The following PRKCE variants were observed in gnomAD, a reference collection of about 807,000 sequenced individuals.
PRKCE encodes the protein protein kinase C epsilon.
PRKCE carries 16 observed loss-of-function variants against 85.4 expected under a neutral mutation model. The ratio of observed to expected loss-of-function variants is 0.19; its 90% CI spans 0.13 to 0.28. The LOEUF is 0.28. Ranked by LOEUF, PRKCE falls within the 10% of genes least tolerant of loss-of-function variation. The pLI, the probability that PRKCE is intolerant of heterozygous loss-of-function variation, is 1.00. For missense variants in PRKCE, 573 were observed against 975.2 expected (o/e 0.59, Z 5.49); for synonymous variants, 388 against 371.5 (o/e 1.04, Z -0.51).
At chr2:45,901,367 G>A (rs1461938083) in intron 2 of PRKCE, among the ~76,000 whole-genome samples, 1 of 152,174 alleles carries the variant, frequency 6.6e-6, no homozygotes, top group Admixed American at 6.5e-5. Flanking sequence ...TTTCATCTAG[G>A]TAAGGTATTA....
At chr2:45,738,897 A>G (rs952330) in intron 1 of PRKCE, among the ~76,000 whole-genome samples, 85,119 of 152,148 alleles carry the variant, frequency 0.56, 24,589 homozygotes, top group African/African-American at 0.7. Context: ...CGTGATCTTC[A>G]CCACACTTCA....
chr2:45,987,034 T>C (rs1703385057), intron 6 of PRKCE, among the ~76,000 whole-genome samples: 2 of 151,980 alleles, frequency 1.3e-5, no homozygotes, highest in Non-Finnish European at 2.9e-5. Context: ...ATGTCTGTTT[T>C]TTTTTTTGTA....
At chr2:46,132,686 A>G (rs2104414987) in intron 11 of PRKCE, among the ~76,000 whole-genome samples, 1 of 152,344 alleles carries the variant, frequency 6.6e-6, no homozygotes, top group Middle Eastern at 3.4e-3. Context: ...TCTTATTGGC[A>G]TATATGCATA....
At chr2:45,791,423 G>A (rs374281059) in intron 1 of PRKCE, among the ~76,000 whole-genome samples, 60 of 152,300 alleles carry the variant, frequency 3.9e-4, no homozygotes, top group African/African-American at 1.2e-3. Context: ...CCCTACACCC[G>A]CTGGGCCTTG....
At chr2:46,171,370 C>T (rs549857797) in intron 14 of PRKCE, among the ~76,000 whole-genome samples, 41 of 152,336 alleles carry the variant, frequency 2.7e-4, no homozygotes, top group African/African-American at 2.9e-4. Flanking sequence ...GAGGGGTACA[C>T]GGCAGAATGC....
intron 10 of PRKCE, among the ~76,000 whole-genome samples, chr2:46,064,231 A>G (rs1667409696): frequency 6.6e-6 from 1 of 150,644 alleles, no homozygotes; most frequent in Non-Finnish European, 1.5e-5. Context: ...GAAGTGAGCC[A>G]AGATCATACC....
intron 2 of PRKCE, among the ~76,000 whole-genome samples, chr2:45,967,318 C>T (rs1456767113): frequency 6.6e-6 from 1 of 152,178 alleles, no homozygotes; most frequent in African/African-American, 2.4e-5. Flanking sequence ...GAACCCATCA[C>T]ATTTTTGGCA....
intron 2 of PRKCE, among the ~76,000 whole-genome samples, chr2:45,872,828 C>T (rs1407666865): frequency 2.0e-5 from 3 of 152,080 alleles, no homozygotes; most frequent in Admixed American, 1.3e-4. Flanking sequence ...GGATAAATGG[C>T]TGTGGTGTTG....
intron 10 of PRKCE, among the ~76,000 whole-genome samples, chr2:46,011,447 A>G (rs546254788): frequency 1.8e-4 from 28 of 152,324 alleles, no homozygotes; most frequent in Non-Finnish European, 3.1e-4. Flanking sequence ...ATTTCATTAT[A>G]TCCTTCCCGT....
At chr2:45,666,676 C>A (rs1161049393) in intron 1 of PRKCE, among the ~76,000 whole-genome samples, 1 of 152,032 alleles carries the variant, frequency 6.6e-6, no homozygotes, top group East Asian at 1.9e-4. Context: ...GTAACATTTA[C>A]TGTTTGTGCC....
At chr2:46,084,718 CAAAAA>C (rs11314680) in intron 10 of PRKCE, among the ~76,000 whole-genome samples, 2 of 92,232 alleles carry the variant, frequency 2.2e-5, no homozygotes, top group East Asian at 3.4e-4. Context: ...GAGACTCCAT[CAAAAA>C]AAAAAAAAAA....
At position 46,004,019 on chromosome 2, in the gene PRKCE, G is replaced by A. The variant is rs1430895816; in HGVS notation, c.967-523G>A. ...CCTACTTGGTGAGATGTGGCTTTCC[G>A]TTCAAAGATCTCTTTGCAGTCTTTG... is the stretch of plus-strand genomic sequence containing the variant. On this transcript the variant is annotated intron_variant, in intron 7 of 14. Coordinates refer to ENST00000306156, the MANE Select transcript of PRKCE (RefSeq NM_005400.3). This position sits in a 1 kb window ranked among gnomAD's most constrained non-coding sequence, Gnocchi z 4.1. 6 of 161,830 alleles carry A rather than the reference G, an allele frequency of 3.7e-5. No homozygotes were observed. The highest frequency in any genetic ancestry group is 3.6e-4 in the South Asian group (2 of 5,566). The allele number at this position is 161,830 out of a possible 1,614,324, so 10.0% of individuals were successfully genotyped here. A position where few individuals can be genotyped will look rare whatever the true frequency, so the allele number is the denominator to read the frequency against.
At chr2:45,656,011 C>G (rs907737115) in intron 1 of PRKCE, among the ~76,000 whole-genome samples, 2 of 152,106 alleles carry the variant, frequency 1.3e-5, no homozygotes, top group Non-Finnish European at 2.9e-5. Context: ...TAAAGGCAGA[C>G]AATCCTGTAG....
Position 45,884,815 on chromosome 2 carries a change from T to G in PRKCE, c.412+41752T>G, listed in dbSNP as rs376044669. 5.9e-5 allele frequency among the ~76,000 whole-genome samples: 9 copies of G among 151,902 alleles called. No individual in the cohort carries two copies. In the South Asian group the frequency reaches 1.9e-3, roughly 32 times the overall value. Reference sequence around the variant, plus strand: ...GATGAAGAGCGAAAGACACCCTTTCTCCAACCAGTTCTATTCCCCAGAGGT... The same window carrying G: ...GATGAAGAGCGAAAGACACCCTTTCGCCAACCAGTTCTATTCCCCAGAGGT... On this transcript the variant is annotated intron_variant, in intron 2 of 14. Coordinates refer to ENST00000306156, the MANE Select transcript of PRKCE (RefSeq NM_005400.3).
At position 45,951,168 on chromosome 2, in the gene PRKCE, A is replaced by AT. The variant is rs200985730; in HGVS notation, c.413-25257dup. ...CCTGGGGAGTTGATTAAAGTTACAG[A>AT]TTTTCAAGCCTCACCCAGTGGAATT... On this transcript the variant is annotated intron_variant, in intron 2 of 14. Coordinates refer to ENST00000306156, the MANE Select transcript of PRKCE (RefSeq NM_005400.3). Among the ~76,000 whole-genome samples, 14 of 152,218 alleles carry AT rather than the reference A, an allele frequency of 9.2e-5. No homozygotes were observed. In the East Asian group the frequency reaches 2.5e-3, roughly 27 times the overall value.
rs193033457 is a variant in PRKCE at position 46,106,285 on chromosome 2, G to A, written c.1592+19923G>A. ...ATCTGTTACCATATGAATCATTCTA[G>A]CCTCTTCTCATTGCTTATCTGTGAA... is the stretch of plus-strand genomic sequence containing the variant. On this transcript the variant is annotated intron_variant, in intron 11 of 14. Transcript: ENST00000306156. Among the ~76,000 whole-genome samples the A allele has an allele frequency of 5.3e-5, 8 of 152,162 alleles. No homozygotes were observed. The East Asian group carries it at 1.5e-3, about 29-fold the overall frequency.
At chr2:45,989,109 C>A (rs954890303) in intron 6 of PRKCE, among the ~76,000 whole-genome samples, 1 of 152,218 alleles carries the variant, frequency 6.6e-6, no homozygotes, top group African/African-American at 2.4e-5. Context: ...CCTGACGGAG[C>A]CTGCAGTTGG....
chr2:45,920,286 T>C (rs973765428), intron 2 of PRKCE, among the ~76,000 whole-genome samples: 12 of 152,342 alleles, frequency 7.9e-5, no homozygotes, highest in Middle Eastern at 6.8e-3. Flanking sequence ...AGCTTGGGGC[T>C]TTCTAACTGC....
intron 10 of PRKCE, among the ~76,000 whole-genome samples, chr2:46,019,031 A>G (rs60324362): frequency 1.7e-3 from 256 of 152,374 alleles, no homozygotes; most frequent in African/African-American, 5.9e-3. Flanking sequence ...TCTCTGTAAC[A>G]TCAACCTGAG....
Sources: gnomAD v4.1 joint callset for allele counts (sites outside exome capture counted in the v4.1 genomes callset) on GRCh38, gnomAD v4.1.1 for gene constraint, Gnocchi (gnomAD v3.1) non-coding constraint, MANE v1.5 for transcripts, NCBI Gene and HGNC (gene_info 2026-07-23, HGNC 2026-07-21) for gene names.